TSGA10IP: variants seen among roughly 807,000 people sequenced by gnomAD.
The protein encoded by TSGA10IP is testis specific 10 interacting protein.
In TSGA10IP, 64 loss-of-function variants were observed where a neutral mutation model predicts 63.2. That is an observed-to-expected ratio of 1.01 (90% confidence interval 0.83 to 1.25). The LOEUF (loss-of-function observed/expected upper bound fraction) is 1.25, where lower values mean the gene tolerates loss of function less well. TSGA10IP is among the 50% of genes most tolerant of loss of function. TSGA10IP has a pLI of 0.00. For missense variants in TSGA10IP, 681 were observed against 710.1 expected (o/e 0.96, Z 0.47); for synonymous variants, 316 against 298.3 (o/e 1.06, Z -0.61).
chr11:65,954,899 T>C (rs1854999525), intron 5 of TSGA10IP, among the ~76,000 whole-genome samples: 1 of 151,890 alleles, frequency 6.6e-6, no homozygotes. Context: ...ATTCCTTTTA[T>C]GGAAGTTGTT....
chr11:65,955,362 T>A (rs965573800), intron 5 of TSGA10IP, among the ~76,000 whole-genome samples: 7 of 151,972 alleles, frequency 4.6e-5, no homozygotes, highest in Admixed American at 3.3e-4. Context: ...TCCCAACACT[T>A]TGGGAAGCCG....
At position 65,947,827 on chromosome 11, in the gene TSGA10IP, TGGTGAGCGTGG is replaced by T; in HGVS notation, c.1003+2_1003+12del. The stretch of plus-strand genomic sequence containing the variant: ...GGCAGCTACAGAGAGACCTGGACTG[TGGTGAGCGTGG>T]GGCTCAGAGCCTGGATTCCCCCGAA... On this transcript the variant is annotated splice_donor_variant and splice_donor_5th_base_variant and coding_sequence_variant and intron_variant, in exon 3 of 8. Coordinates refer to ENST00000532620, the Ensembl canonical transcript of TSGA10IP. LOFTEE classifies it high-confidence loss of function. 1 of 1,549,558 alleles carries T rather than the reference TGGTGAGCGTGG, an allele frequency of 6.5e-7. No homozygotes were observed. The highest frequency in any genetic ancestry group is 8.7e-7 in the Non-Finnish European group (1 of 1,146,862).
chr11:65,952,447 G>A (rs1368571808), intron 4 of TSGA10IP, among the ~76,000 whole-genome samples: 1 of 151,850 alleles, frequency 6.6e-6, no homozygotes, highest in Non-Finnish European at 1.5e-5. Context: ...GTGTGTGTGT[G>A]TGTATGTGTC....
chr11:65,949,411 C>T (rs997860801), intron 4 of TSGA10IP, among the ~76,000 whole-genome samples: 7 of 103,974 alleles, frequency 6.7e-5, no homozygotes, highest in African/African-American at 2.4e-4. Context: ...ATTCTTATAG[C>T]ACCCCACAAT....
intron 5 of TSGA10IP, among the ~76,000 whole-genome samples, chr11:65,956,694 A>T (rs1855030380): frequency 6.6e-6 from 1 of 151,744 alleles, no homozygotes; most frequent in African/African-American, 2.4e-5. Context: ...CACCTGGCTA[A>T]TTTTTTTGTA....
chr11:65,959,794 G>T, intron 7 of TSGA10IP, 23 bp from the exon 8 acceptor site: 1 of 1,543,306 alleles, frequency 6.5e-7, no homozygotes, highest in Non-Finnish European at 8.7e-7. Context: ...GCAGAGTCAG[G>T]GGCCTCTATC....
chr11:65,951,769 C>T (rs1047235708), intron 4 of TSGA10IP, among the ~76,000 whole-genome samples: 2 of 151,308 alleles, frequency 1.3e-5, no homozygotes, highest in African/African-American at 4.9e-5. Flanking sequence ...CTGGTCTCAA[C>T]CCCTGGCTTC....
Position 65,953,880 on chromosome 11 carries a change from G to A in TSGA10IP, c.1322+143G>A, listed in dbSNP as rs568525656. 8.2e-6 allele frequency: 5 copies of A among 610,374 alleles called. No homozygotes were observed. The East Asian group carries it at 1.0e-4, about 13-fold the overall frequency. The allele number at this position is 610,374 out of a possible 1,614,324, so 37.8% of individuals were successfully genotyped here. A position where few individuals can be genotyped will look rare whatever the true frequency, so the allele number is the denominator to read the frequency against. ...CTTCACCGCGTTTCCAGATAAGGAC[G>A]CTGAGGCATGGGGAGAAGGGGTCTG... is the stretch of plus-strand genomic sequence containing the variant. On this transcript the variant is annotated intron_variant, in intron 5 of 7. Transcript: ENST00000532620.
exon 4 of TSGA10IP, chr11:65,948,119 C>T: frequency 1.2e-6 from 2 of 1,602,656 alleles, no homozygotes; most frequent in Non-Finnish European, 1.7e-6. Flanking sequence ...TCCCTAATCG[C>T]ACCTTCCACA....
In TSGA10IP at chr11:65,947,031, G is replaced by C; in HGVS notation, c.284+15G>C. The C allele has an allele frequency of 6.2e-7, 1 of 1,613,914 alleles. No homozygotes were observed. The highest frequency in any genetic ancestry group is 8.5e-7 in the Non-Finnish European group (1 of 1,179,844). The stretch of plus-strand genomic sequence containing the variant: ...GAGTCTGAAGAGTAAGCAGCAGTGG[G>C]ATGGGTCAGGAGGCTGTTGGGGGTC... On this transcript the variant is annotated intron_variant, in intron 2 of 7. Coordinates refer to ENST00000532620, the Ensembl canonical transcript of TSGA10IP.
At chr11:65,947,281 C>T (rs1854853882) in exon 3 of TSGA10IP, 2 of 1,612,264 alleles carry the variant, frequency 1.2e-6, no homozygotes, top group African/African-American at 2.7e-5. Flanking sequence ...AGTCCACGGC[C>T]AACCTCCCAG....
At chr11:65,952,574 G>A (rs1298150799) in intron 4 of TSGA10IP, among the ~76,000 whole-genome samples, 3 of 151,990 alleles carry the variant, frequency 2.0e-5, no homozygotes, top group African/African-American at 7.2e-5. Flanking sequence ...TTAACCTCCC[G>A]AGTAGCTAGG....
chr11:65,959,045 G>A lies in TSGA10IP; in HGVS notation c.1422+63G>A. On this transcript the variant is annotated intron_variant, in intron 6 of 7. Transcript: ENST00000532620. ...TGTGAAGAGCTGGCTGAGTGGGTAG[G>A]GAAGCAGGATGCGAGTAGGTCCCTG... is the stretch of plus-strand genomic sequence containing the variant. 5 of 1,590,672 alleles carry A rather than the reference G, an allele frequency of 3.1e-6. No individual in the cohort carries two copies. The South Asian group carries it at 4.5e-5, about 14-fold the overall frequency.
At chr11:65,951,368 T>C (rs1202593934) in intron 4 of TSGA10IP, among the ~76,000 whole-genome samples, 1 of 152,052 alleles carries the variant, frequency 6.6e-6, no homozygotes, top group Non-Finnish European at 1.5e-5. Flanking sequence ...CCCTTATCTT[T>C]CATCATTTTG....
At chr11:65,952,713 T>C (rs1182044956) in intron 4 of TSGA10IP, among the ~76,000 whole-genome samples, 2 of 151,814 alleles carry the variant, frequency 1.3e-5, no homozygotes, top group African/African-American at 4.8e-5. Flanking sequence ...ATATATACCA[T>C]TGTGTATATA....
chr11:65,947,221 C>T (rs1455109594), exon 3 of TSGA10IP: 21 of 1,608,390 alleles, frequency 1.3e-5, no homozygotes, highest in Non-Finnish European at 1.7e-5. Context: ...CCCCTGGCCA[C>T]CAAGCCCTGC....
chr11:65,959,882 C>T (rs767599562), exon 8 of TSGA10IP: 40 of 1,609,698 alleles, frequency 2.5e-5, no homozygotes, highest in Non-Finnish European at 2.9e-5. Context: ...ACAGAACCCA[C>T]CGGCAGCCAG....
intron 4 of TSGA10IP, among the ~76,000 whole-genome samples, chr11:65,949,329 T>TA (rs1854902194): frequency 6.6e-6 from 1 of 151,946 alleles, no homozygotes; most frequent in African/African-American, 2.4e-5. Flanking sequence ...AAGAGACACT[T>TA]AGAGGCTGGT....
chr11:65,958,248 T>C (rs1855058234), intron 5 of TSGA10IP, among the ~76,000 whole-genome samples: 1 of 152,192 alleles, frequency 6.6e-6, no homozygotes, highest in Non-Finnish European at 1.5e-5. Context: ...CCTGGCCAAA[T>C]TGGGTTTTTA....
Sources: gnomAD v4.1 joint callset for allele counts (sites outside exome capture counted in the v4.1 genomes callset) on GRCh38, gnomAD v4.1.1 for gene constraint, MANE v1.5 for transcripts, NCBI Gene and HGNC (gene_info 2026-07-23, HGNC 2026-07-21) for gene names.